PARD3: variants seen among roughly 807,000 people sequenced by gnomAD.
PARD3 encodes the protein par-3 family cell polarity regulator.
In PARD3, 75 loss-of-function variants were observed where a neutral mutation model predicts 155.4. The ratio of observed to expected loss-of-function variants is 0.48; its 90% CI spans 0.40 to 0.58. The LOEUF is 0.58. PARD3 is among the 20% of genes least tolerant of loss of function. The pLI is 0.00. For missense variants in PARD3, 1,642 were observed against 1,721.7 expected (o/e 0.95, Z 0.82); for synonymous variants, 576 against 610.5 (o/e 0.94, Z 0.83).
chr10:34,217,427 G>A (rs1426750032), intron 22 of PARD3, among the ~76,000 whole-genome samples: 1 of 152,098 alleles, frequency 6.6e-6, no homozygotes, highest in African/African-American at 2.4e-5. Flanking sequence ...ATACTTGTAT[G>A]TATAAGGATA....
At chr10:34,243,740 G>A (rs904667435) in intron 22 of PARD3, among the ~76,000 whole-genome samples, 13 of 152,120 alleles carry the variant, frequency 8.5e-5, no homozygotes, top group African/African-American at 3.1e-4. Flanking sequence ...AACCCAGGAG[G>A]CGGAGGTTAC....
At chr10:34,789,425 C>T (rs780349578) in intron 1 of PARD3, among the ~76,000 whole-genome samples, 26 of 152,278 alleles carry the variant, frequency 1.7e-4, no homozygotes, top group Admixed American at 5.9e-4. Flanking sequence ...TGGTCAGGTG[C>T]CATGACTCAC....
intron 1 of PARD3, among the ~76,000 whole-genome samples, chr10:34,712,180 G>T (rs1450050499): frequency 6.6e-6 from 1 of 152,186 alleles, no homozygotes; most frequent in Non-Finnish European, 1.5e-5. Context: ...GTGTGGAAGG[G>T]TACGAACAGT....
chr10:34,702,677 C>CA (rs1564526032), intron 1 of PARD3, among the ~76,000 whole-genome samples: 2 of 152,218 alleles, frequency 1.3e-5, no homozygotes. Flanking sequence ...CTTATCCCCC[C>CA]AAGGCTAGAG....
At chr10:34,696,264 G>T in intron 2 of PARD3, 54 bp downstream of exon 2, 1 of 917,730 alleles carries the variant, frequency 1.1e-6, no homozygotes, top group Non-Finnish European at 1.7e-6. Flanking sequence ...CCGCTCCCTA[G>T]TCCTCAAAAA....
chr10:34,786,852 G>A (rs1262683082), intron 1 of PARD3, among the ~76,000 whole-genome samples: 1 of 152,074 alleles, frequency 6.6e-6, no homozygotes. Context: ...TTTTTGGAAG[G>A]CCAAAAATGG....
chr10:34,211,455 C>G (rs952288037), intron 22 of PARD3, among the ~76,000 whole-genome samples: 1 of 151,728 alleles, frequency 6.6e-6, no homozygotes, highest in Non-Finnish European at 1.5e-5. Flanking sequence ...AAAGGGAAAG[C>G]AGAAACGACA....
At chr10:34,670,298 G>A (rs139424010) in intron 2 of PARD3, among the ~76,000 whole-genome samples, 73 of 152,348 alleles carry the variant, frequency 4.8e-4, no homozygotes, top group East Asian at 4.2e-3. Flanking sequence ...ACCAGCCAGC[G>A]CGTGCACACC....
chr10:34,131,466 G>T lies in PARD3; in HGVS notation c.3537C>A (p.Pro1179=). 1 of 1,614,040 alleles carries T rather than the reference G, an allele frequency of 6.2e-7. No homozygotes were observed. The highest frequency in any genetic ancestry group is 1.1e-5 in the South Asian group (1 of 91,068). Residue 1179 remains proline, a synonymous_variant, in exon 23 of 25, where the codon CCC becomes CCA. Transcript: ENST00000374788. ...TGCTGAAGAACCAATTACTTACCCA[G>T]GGTTGCTCAAAACTATAGGTCCGCC... ...DRRRTYSFEQ[P]WPNARPATQS...
intron 2 of PARD3, among the ~76,000 whole-genome samples, chr10:34,520,323 G>T (rs1009043452): frequency 6.6e-6 from 1 of 152,082 alleles, no homozygotes; most frequent in African/African-American, 2.4e-5. Context: ...CAGTACCAGG[G>T]TTCATACCAT....
chr10:34,625,634 C>T (rs908955782), intron 2 of PARD3, among the ~76,000 whole-genome samples: 1 of 152,188 alleles, frequency 6.6e-6, no homozygotes, highest in Non-Finnish European at 1.5e-5. Context: ...ACTTCAAGGC[C>T]AGGCGCGGTG....
At chr10:34,189,313 G>A (rs896892528) in intron 22 of PARD3, among the ~76,000 whole-genome samples, 3 of 152,176 alleles carry the variant, frequency 2.0e-5, no homozygotes, top group African/African-American at 4.8e-5. Flanking sequence ...CTGGGTAACA[G>A]AGCAAGACTC....
chr10:34,652,370 T>G (rs2093038964), intron 2 of PARD3, among the ~76,000 whole-genome samples: 1 of 152,110 alleles, frequency 6.6e-6, no homozygotes, highest in Non-Finnish European at 1.5e-5. Context: ...CTTTCACATA[T>G]GGGTGTGATG....
chr10:34,450,347 C>A lies in PARD3; in HGVS notation c.684G>T (p.Met228Ile). ...ARSSLSASHP[M>I]VGKWLEKQEQ... is the part of the protein sequence containing the mutation. ...CTTGTTTCTCCAGCCACTTGCCCAC[C>A]ATTGGGTGACTGGCACTCAGAGACG... Residue 228 changes from methionine (M) to isoleucine (I), a missense_variant, in exon 5 of 25, where the codon ATG becomes ATT. Coordinates refer to ENST00000374788, the MANE Select transcript of PARD3 (RefSeq NM_001184785.2). The A allele has an allele frequency of 6.2e-7, 1 of 1,613,970 alleles. No homozygotes were observed. The highest frequency in any genetic ancestry group is 8.5e-7 in the Non-Finnish European group (1 of 1,179,936).
chr10:34,331,684 A>G (rs1282720374), intron 18 of PARD3, among the ~76,000 whole-genome samples: 2 of 152,228 alleles, frequency 1.3e-5, no homozygotes, highest in Admixed American at 6.5e-5. Context: ...AGCTCATTTG[A>G]AAAGCAAGGG....
intron 22 of PARD3, among the ~76,000 whole-genome samples, chr10:34,263,993 C>T (rs1313283097): frequency 6.6e-6 from 1 of 152,192 alleles, no homozygotes; most frequent in Non-Finnish European, 1.5e-5. Flanking sequence ...GATCAAAAGA[C>T]AATGATTCCC....
At chr10:34,463,642 A>T (rs2077820464) in intron 4 of PARD3, among the ~76,000 whole-genome samples, 1 of 152,230 alleles carries the variant, frequency 6.6e-6, no homozygotes, top group Admixed American at 6.5e-5. Flanking sequence ...ACAAACCCAA[A>T]TACAGCAAAT....
chr10:34,610,693 T>G (rs1173378915), intron 2 of PARD3, among the ~76,000 whole-genome samples: 3 of 152,206 alleles, frequency 2.0e-5, no homozygotes, highest in South Asian at 2.1e-4. Flanking sequence ...CTGACAGCAT[T>G]TTGTTTTATT....
At chr10:34,458,542 G>A (rs1418071985) in intron 4 of PARD3, among the ~76,000 whole-genome samples, 1 of 152,022 alleles carries the variant, frequency 6.6e-6, no homozygotes, top group Non-Finnish European at 1.5e-5. Context: ...TTAATTCCAG[G>A]AGCTTGAGAC....
Sources: allele counts gnomAD v4.1 joint callset (sites outside exome capture counted in the v4.1 genomes callset), GRCh38; gene constraint gnomAD v4.1.1; transcripts MANE v1.5; gene names NCBI Gene and HGNC (gene_info 2026-07-23, HGNC 2026-07-21).